Variants in PRDM1 observed in about 807,000 individuals in gnomAD.
PRDM1 encodes PR domain zinc finger protein 1.
Under a neutral mutation model 62.8 loss-of-function variants are expected in PRDM1, and 13 were observed. The ratio of observed to expected loss-of-function variants is 0.21; its 90% confidence interval spans 0.13 to 0.33. The LOEUF is 0.33. Among genes scored for constraint, PRDM1 ranks in the 10% least tolerant of loss-of-function variants. The probability of loss-of-function intolerance (pLI) is 1.00; values close to 1 mark genes in which losing one functional copy is unlikely to be tolerated. For synonymous variants in PRDM1, 396 were observed against 417.6 expected, an observed-to-expected ratio of 0.95 and a Z score of 0.63; for missense variants, 895 against 1,058.8, an observed-to-expected ratio of 0.85 and a Z score of 2.15.
At chr6:106,028,712 A>C (rs1329359263) in intron 1 of PRDM1, among the ~76,000 whole-genome samples, 1 of 152,168 alleles carries the variant, frequency 6.6e-6, no homozygotes, top group Non-Finnish European at 1.5e-5. Flanking sequence ...ATGTGATGTC[A>C]TCACAGTTGA....
chr6:106,109,486 C>T lies in PRDM1; in HGVS notation c.*2000C>T, dbSNP rs1774624077. Reference sequence around the variant, plus strand: ...TTCACCTGTAGAAGAGAACAAATTTCGAATAATCCAGGGAAACCCAAGAGC... The same window carrying T: ...TTCACCTGTAGAAGAGAACAAATTTTGAATAATCCAGGGAAACCCAAGAGC... On this transcript the variant is annotated 3_prime_UTR_variant, in exon 7 of 7. Coordinates refer to ENST00000369096, the MANE Select transcript of PRDM1 (RefSeq NM_001198.4). The T allele has an allele frequency of 1.3e-5, 3 of 233,550 alleles. No homozygotes were observed. The highest frequency in any genetic ancestry group is 2.5e-5 in the Non-Finnish European group (3 of 117,918). 14.5% of individuals were successfully genotyped at this position (233,550 alleles called of 1,614,324 possible).
At chr6:106,081,861 C>T (rs1773700526), upstream of PRDM1, among the ~76,000 whole-genome samples, 2 of 152,288 alleles carry the variant, frequency 1.3e-5, no homozygotes, top group South Asian at 4.1e-4. Flanking sequence ...ACTGCTCCTC[C>T]CTGCACTGGG....
Position 106,008,423 on chromosome 6 carries a change from ATCT to A in PRDM1, c.-67+14788_-67+14790del, listed in dbSNP as rs201363772. 4.8e-3 allele frequency among the ~76,000 whole-genome samples: 735 copies of A among 152,268 alleles called. 6 individuals carry two copies. Among genetic ancestry groups the A allele is most frequent in the African/African-American group, 0.016 (664 of 41,564 alleles). On this transcript the variant is annotated intron_variant, in intron 1 of 6. Transcript: ENST00000652320. ...TCTCACATGACTCACACTTGTGGAAATCTTCTCCATGTGCCGAGCTGGGGTGCC... is the reference window on the plus strand; with the variant it reads ...TCTCACATGACTCACACTTGTGGAAATCTCCATGTGCCGAGCTGGGGTGCC...
intron 1 of PRDM1, among the ~76,000 whole-genome samples, chr6:106,050,002 A>G (rs954879500): frequency 6.6e-6 from 1 of 152,158 alleles, no homozygotes; most frequent in Non-Finnish European, 1.5e-5. Context: ...CAAAATATTC[A>G]TATTTGGTGC....
chr6:106,023,219 A>C (rs1215862472), intron 1 of PRDM1, among the ~76,000 whole-genome samples: 1 of 152,192 alleles, frequency 6.6e-6, no homozygotes, highest in African/African-American at 2.4e-5. Flanking sequence ...TGGTTATTTA[A>C]TCTATCATAT....
At chr6:106,050,924 A>G (rs1360194060) in intron 1 of PRDM1, among the ~76,000 whole-genome samples, 1 of 152,238 alleles carries the variant, frequency 6.6e-6, no homozygotes, top group Non-Finnish European at 1.5e-5. Flanking sequence ...TGTATTTAAA[A>G]TTTAGTGATA....
chr6:106,011,682 C>T (rs1452027996), intron 1 of PRDM1, among the ~76,000 whole-genome samples: 1 of 152,064 alleles, frequency 6.6e-6, no homozygotes, highest in Non-Finnish European at 1.5e-5. Flanking sequence ...TCCGAAGTCC[C>T]AGGTTAGTGG....
At chr6:106,075,955 A>ATT (rs529520354) in intron 1 of PRDM1, among the ~76,000 whole-genome samples, 2 of 146,166 alleles carry the variant, frequency 1.4e-5, no homozygotes, top group Admixed American at 6.8e-5. Context: ...AAAAAAAAAA[A>ATT]TTTTTTTTTT....
chr6:106,082,556 G>A (rs933830210), upstream of PRDM1, among the ~76,000 whole-genome samples: 1 of 152,208 alleles, frequency 6.6e-6, no homozygotes. Context: ...ATACTTAGAT[G>A]TAATGATACA....
chr6:106,005,234 A>T (rs1772469820), intron 1 of PRDM1, among the ~76,000 whole-genome samples: 1 of 152,214 alleles, frequency 6.6e-6, no homozygotes. Flanking sequence ...GCCGAAAGTG[A>T]CTTAAGAGGA....
chr6:106,063,537 G>C (rs1211572028), intron 1 of PRDM1, among the ~76,000 whole-genome samples: 1 of 152,128 alleles, frequency 6.6e-6, no homozygotes, highest in Non-Finnish European at 1.5e-5. Context: ...TAAAGAGAGT[G>C]AGTCAATTTA....
chr6:106,062,807 G>T (rs886274909), intron 1 of PRDM1, among the ~76,000 whole-genome samples: 1 of 152,254 alleles, frequency 6.6e-6, no homozygotes, highest in East Asian at 1.9e-4. Flanking sequence ...GTTCTCTTCT[G>T]GTTGCTGATA....
At chr6:106,037,481 G>T (rs1181598018) in intron 1 of PRDM1, among the ~76,000 whole-genome samples, 1 of 152,040 alleles carries the variant, frequency 6.6e-6, no homozygotes, top group Non-Finnish European at 1.5e-5. Context: ...TTCCCATGAT[G>T]ATGAGTATGT....
Position 106,107,353 on chromosome 6 carries a change from A to C in PRDM1, c.2345A>C (p.Asn782Thr), listed in dbSNP as rs1309122415. ...GTGTCTTTGCAAAGAAACATGGGGA[A>C]TGGACTCCTCTCCTCAGGGTGCAGC... ...LKVSLQRNMG[N>T]GLLSSGCSLY... is the part of the protein sequence containing the mutation. The change falls in exon 7 of 7, where the codon AAT (asparagine) becomes ACT (threonine). Residue 782 changes from asparagine to threonine, a missense_variant. Physicochemically the swap from Asn to Thr is moderately conservative, Grantham distance 65 (BLOSUM62 0). Transcript: ENST00000369096. The C allele has an allele frequency of 1.2e-6, 2 of 1,614,104 alleles. No homozygotes were observed. Among genetic ancestry groups the C allele is most frequent in the Admixed American group, 3.3e-5 (2 of 60,026 alleles).
chr6:106,021,909 C>T (rs992862238), intron 1 of PRDM1, among the ~76,000 whole-genome samples: 17 of 152,282 alleles, frequency 1.1e-4, no homozygotes, highest in South Asian at 6.2e-4. Flanking sequence ...CGTGAGCCAC[C>T]GTGCCCAGCG....
intron 1 of PRDM1, among the ~76,000 whole-genome samples, chr6:106,031,153 T>C (rs1772839200): frequency 6.6e-6 from 1 of 152,220 alleles, no homozygotes; most frequent in Non-Finnish European, 1.5e-5. Context: ...TTACTTATTC[T>C]TCAATTTTTA....
At chr6:106,016,835 G>T (rs1424611159) in intron 1 of PRDM1, among the ~76,000 whole-genome samples, 3 of 151,982 alleles carry the variant, frequency 2.0e-5, no homozygotes, top group African/African-American at 7.2e-5. Flanking sequence ...TGTATTTTTA[G>T]TAGAGACGGG....
Position 106,109,400 on chromosome 6 carries a change from T to C in PRDM1, c.*1914T>C, listed in dbSNP as rs1774621397. 4.3e-6 allele frequency: 1 copy of C among 233,180 alleles called. No homozygotes were observed. The highest frequency in any genetic ancestry group is 1.8e-4 in the South Asian group (1 of 5,532). The allele number at this position is 233,180 out of a possible 1,614,324, so 14.4% of individuals were successfully genotyped here. On this transcript the variant is annotated 3_prime_UTR_variant, in exon 7 of 7. Coordinates refer to ENST00000369096, the MANE Select transcript of PRDM1 (RefSeq NM_001198.4). ...TTCTGTTTTCCTCCTTACTAAATACTGATACATTACTCCAATCTATTTTAT... is the reference window on the plus strand; with the variant it reads ...TTCTGTTTTCCTCCTTACTAAATACCGATACATTACTCCAATCTATTTTAT...
upstream of PRDM1, among the ~76,000 whole-genome samples, chr6:106,083,068 T>C (rs1442652284): frequency 6.6e-6 from 1 of 151,992 alleles, no homozygotes; most frequent in African/African-American, 2.4e-5. Context: ...AAACCAAGTG[T>C]CCCTCTAGTT....
Sources: gnomAD v4.1 joint callset for allele counts (sites outside exome capture counted in the v4.1 genomes callset) on GRCh38, gnomAD v4.1.1 for gene constraint, MANE v1.5 for transcripts, NCBI Gene and HGNC (gene_info 2026-07-23, HGNC 2026-07-21) for gene names.